SLC15A2: variants seen among roughly 807,000 people sequenced by gnomAD.
SLC15A2 encodes the protein solute carrier family 15 member 2, also known as kidney H(+)/peptide cotransporter.
A neutral mutation model predicts 95.5 loss-of-function variants in SLC15A2; 77 were observed. That is an observed-to-expected ratio of 0.81 (90% CI 0.67 to 0.97). SLC15A2 has a LOEUF of 0.97. SLC15A2 is among the 50% of genes least tolerant of loss of function. The pLI is 0.00. For missense variants in SLC15A2, 893 were observed against 874.4 expected (o/e 1.02, Z -0.27); for synonymous variants, 306 against 306.9 (o/e 1.00, Z 0.03).
At chr3:121,908,988 C>A (rs1709708936) in intron 3 of SLC15A2, among the ~76,000 whole-genome samples, 1 of 152,014 alleles carries the variant, frequency 6.6e-6, no homozygotes, top group Admixed American at 6.6e-5. Flanking sequence ...GCCTGGTCAA[C>A]ATAGCAAGAC....
Position 121,922,803 on chromosome 3 carries a change from G to A in SLC15A2, c.809G>A (p.Arg270His), listed in dbSNP as rs376349271. ...WFAISNRFKN[R>H]SGDIPKRQHW... ...GCTATTTCCAATCGTTTCAAGAACC[G>A]TTCTGGAGACATTCCAAAGCGACAG... is the stretch of plus-strand genomic sequence containing the variant. The change falls in exon 9 of 22, where the codon CGT becomes CAT. Residue 270 changes from arginine (R) to histidine (H), a missense_variant. Coordinates refer to ENST00000489711, the MANE Select transcript of SLC15A2 (RefSeq NM_021082.4). 7.4e-6 allele frequency: 12 copies of A among 1,613,768 alleles called. 1 individual carries two copies. Among genetic ancestry groups the A allele is most frequent in the Admixed American group, 5.0e-5 (3 of 59,994 alleles).
At chr3:121,925,951 C>A (rs1025419645) in intron 13 of SLC15A2, among the ~76,000 whole-genome samples, 2 of 151,150 alleles carry the variant, frequency 1.3e-5, no homozygotes, top group Non-Finnish European at 3.0e-5. Flanking sequence ...GTTCAATAAA[C>A]CTGATTGTAT....
At chr3:121,931,404 CTTTA>C (rs1050239358) in intron 18 of SLC15A2, among the ~76,000 whole-genome samples, 1 of 152,184 alleles carries the variant, frequency 6.6e-6, no homozygotes, top group Non-Finnish European at 1.5e-5. Context: ...TTTGTAACTT[CTTTA>C]TTTAGGTTGA....
intron 19 of SLC15A2, among the ~76,000 whole-genome samples, chr3:121,936,956 C>G (rs1399933004): frequency 6.6e-6 from 1 of 151,132 alleles, no homozygotes; most frequent in African/African-American, 2.4e-5. Context: ...TTAGGGCAGG[C>G]CTGGTGGTGA....
At chr3:121,922,353 C>G (rs1172804913) in intron 8 of SLC15A2, 51 bp downstream of exon 8, 1 of 1,458,688 alleles carries the variant, frequency 6.9e-7, no homozygotes, top group Admixed American at 1.7e-5. Flanking sequence ...GAAAGAGATG[C>G]TATGCTGAGA....
intron 3 of SLC15A2, among the ~76,000 whole-genome samples, chr3:121,906,202 G>C (rs1188743508): frequency 1.3e-5 from 2 of 151,794 alleles, no homozygotes; most frequent in African/African-American, 2.4e-5. Context: ...CATTTACTTG[G>C]TAGCTTTGGT....
chr3:121,914,638 G>A (rs769554950), intron 5 of SLC15A2, among the ~76,000 whole-genome samples: 12 of 151,954 alleles, frequency 7.9e-5, no homozygotes, highest in Non-Finnish European at 8.8e-5. Flanking sequence ...AACATTTATC[G>A]AGTCCCTAAT....
chr3:121,926,331 G>A (rs929848872), intron 13 of SLC15A2, among the ~76,000 whole-genome samples: 7 of 152,146 alleles, frequency 4.6e-5, no homozygotes, highest in African/African-American at 1.4e-4. Flanking sequence ...GTGCTATCCC[G>A]TTGGTGCTGT....
At position 121,923,080 on chromosome 3, in the gene SLC15A2, T is replaced by A; in HGVS notation, c.908T>A (p.Leu303Gln). ...IMDVKALTRV[L>Q]FLYIPLPMFW... is the part of the protein sequence containing the mutation. Reference sequence around the variant, plus strand: ...GATGTAAAGGCACTGACCAGGGTACTATTCCTTTATATCCCATTGCCCATG... The same window carrying A: ...GATGTAAAGGCACTGACCAGGGTACAATTCCTTTATATCCCATTGCCCATG... Residue 303 changes from leucine (L) to glutamine (Q), a missense_variant, in exon 10 of 22, where the codon CTA (leucine) becomes CAA (glutamine). Transcript: ENST00000489711. 1 of 1,614,088 alleles carries A rather than the reference T, an allele frequency of 6.2e-7. No individual in the cohort carries two copies. Among genetic ancestry groups the A allele is most frequent in the Non-Finnish European group, 8.5e-7 (1 of 1,179,924 alleles).
At chr3:121,919,730 C>T (rs998561265) in intron 7 of SLC15A2, among the ~76,000 whole-genome samples, 18 of 152,220 alleles carry the variant, frequency 1.2e-4, no homozygotes, top group Non-Finnish European at 2.4e-4. Flanking sequence ...TGTCTCTTGT[C>T]ACTATCAGTA....
At chr3:121,920,381 C>T (rs1427310138) in intron 7 of SLC15A2, among the ~76,000 whole-genome samples, 2 of 152,122 alleles carry the variant, frequency 1.3e-5, no homozygotes, top group Admixed American at 6.5e-5. Context: ...CTGCAACCTC[C>T]GCCTCTGAGG....
intron 8 of SLC15A2, 99 bp downstream of exon 8, chr3:121,922,401 T>G (rs1297194249): frequency 9.3e-6 from 8 of 861,212 alleles, no homozygotes; most frequent in Non-Finnish European, 1.5e-5. Flanking sequence ...TTTTTCTCAA[T>G]GACCTCTATT....
chr3:121,917,495 C>A lies in SLC15A2; in HGVS notation c.697+1802C>A, dbSNP rs1709920017. ...CGTGAGCTCAGGAGTTTGAGACCAT[C>A]CTGGACAACACAGCATGACTCCATC... is the stretch of plus-strand genomic sequence containing the variant. On this transcript the variant is annotated intron_variant, in intron 7 of 21. Coordinates refer to ENST00000489711, the MANE Select transcript of SLC15A2 (RefSeq NM_021082.4). Among the ~76,000 whole-genome samples the A allele has an allele frequency of 2.6e-5, 4 of 152,148 alleles. No homozygotes were observed. The South Asian group carries it at 8.3e-4, about 32-fold the overall frequency.
chr3:121,898,534 T>A (rs1296173431), intron 3 of SLC15A2, among the ~76,000 whole-genome samples: 1 of 152,210 alleles, frequency 6.6e-6, no homozygotes, highest in East Asian at 1.9e-4. Flanking sequence ...CATAGATTTG[T>A]CTAAATGAGC....
intron 3 of SLC15A2, among the ~76,000 whole-genome samples, chr3:121,899,022 G>T (rs903711756): frequency 6.6e-6 from 1 of 152,070 alleles, no homozygotes; most frequent in Non-Finnish European, 1.5e-5. Flanking sequence ...TAGGAGATTG[G>T]CACTACTTGC....
intron 7 of SLC15A2, among the ~76,000 whole-genome samples, chr3:121,918,028 A>T (rs1285688482): frequency 6.6e-6 from 1 of 152,224 alleles, no homozygotes; most frequent in Non-Finnish European, 1.5e-5. Context: ...AACTCTAAAA[A>T]CATTTTAACA....
intron 13 of SLC15A2, among the ~76,000 whole-genome samples, chr3:121,926,591 G>A (rs9870245): frequency 0.42 from 63,841 of 152,068 alleles, 13,905 homozygotes; most frequent in East Asian, 0.69. Flanking sequence ...TGCAGAAACC[G>A]GCTGCAGGGG....
At chr3:121,939,847 C>CA (rs1710425554) in intron 20 of SLC15A2, among the ~76,000 whole-genome samples, 1 of 152,010 alleles carries the variant, frequency 6.6e-6, no homozygotes, top group African/African-American at 2.4e-5. Flanking sequence ...GGCGCGATCT[C>CA]AGCTCACTGC....
rs942064547 is a variant in SLC15A2 at position 121,928,271 on chromosome 3, A to G, written c.1207-150A>G. On this transcript the variant is annotated intron_variant, in intron 14 of 21. Coordinates refer to ENST00000489711, the MANE Select transcript of SLC15A2 (RefSeq NM_021082.4). Reference sequence around the variant, plus strand: ...ATGTTTCCCTCTCCAAGCTGCCTTTAGAGTTTTCTAAGCCAAATATTTTTC... The same window carrying G: ...ATGTTTCCCTCTCCAAGCTGCCTTTGGAGTTTTCTAAGCCAAATATTTTTC... The G allele has an allele frequency of 2.0e-5, 18 of 910,912 alleles. No individual in the cohort carries two copies. The South Asian group carries it at 3.0e-4, about 15-fold the overall frequency. 56.4% of individuals were successfully genotyped at this position (910,912 alleles called of 1,614,324 possible).
Sources: allele counts gnomAD v4.1 joint callset (sites outside exome capture counted in the v4.1 genomes callset), GRCh38; gene constraint gnomAD v4.1.1; transcripts MANE v1.5; gene names NCBI Gene and HGNC (gene_info 2026-07-23, HGNC 2026-07-21).